The following AHCYL2 variants were observed in gnomAD, a reference collection of about 807,000 sequenced individuals.
AHCYL2 encodes adenosylhomocysteinase like 2.
AHCYL2 carries 28 observed loss-of-function variants against 81.4 expected under a neutral mutation model. The observed-to-expected ratio is 0.34, with a 90% CI of 0.25 to 0.47. The LOEUF (loss-of-function observed/expected upper bound fraction) is 0.47, where lower values mean the gene tolerates loss of function less well. AHCYL2 is among the 20% of genes least tolerant of loss of function. The pLI is 1.00. For synonymous variants in AHCYL2, 272 were observed against 290.2 expected, an observed-to-expected ratio of 0.94 and a Z score of 0.64; for missense variants, 551 against 785.1, an observed-to-expected ratio of 0.70 and a Z score of 3.56.
intron 1 of AHCYL2, among the ~76,000 whole-genome samples, chr7:129,233,487 A>G (rs1563159955): frequency 6.7e-6 from 1 of 149,616 alleles, no homozygotes; most frequent in Non-Finnish European, 1.5e-5. Flanking sequence ...TACTGTCTCT[A>G]TTTCTTTTTC....
intron 2 of AHCYL2, among the ~76,000 whole-genome samples, chr7:129,381,029 G>A (rs1794931190): frequency 1.3e-5 from 2 of 152,146 alleles, no homozygotes; most frequent in South Asian, 2.1e-4. Flanking sequence ...GAGCCACTGC[G>A]CCAGGCCAGG....
intron 1 of AHCYL2, among the ~76,000 whole-genome samples, chr7:129,296,676 C>T (rs1797060687): frequency 6.6e-6 from 1 of 152,152 alleles, no homozygotes; most frequent in South Asian, 2.1e-4. Context: ...TGTCACTGTA[C>T]TCTATCCTGG....
intron 1 of AHCYL2, among the ~76,000 whole-genome samples, chr7:129,302,883 TA>T (rs1158991917): frequency 6.6e-6 from 1 of 152,232 alleles, no homozygotes; most frequent in Non-Finnish European, 1.5e-5. Flanking sequence ...AGTTTGGAAG[TA>T]TTCCTTCCAC....
intron 4 of AHCYL2, 36 bp downstream of exon 4, chr7:129,389,770 G>A: frequency 6.5e-7 from 1 of 1,548,044 alleles, no homozygotes; most frequent in Non-Finnish European, 8.8e-7. Context: ...AATTACAATA[G>A]TTAATAATAG....
chr7:129,426,085 G>A lies in AHCYL2; in HGVS notation c.1709-358G>A, dbSNP rs1233739360. Among the ~76,000 whole-genome samples, 2 of 152,176 alleles carry A rather than the reference G, an allele frequency of 1.3e-5. No homozygotes were observed. Among genetic ancestry groups the A allele is most frequent in the Non-Finnish European group, 2.9e-5 (2 of 68,030 alleles). The stretch of plus-strand genomic sequence containing the variant: ...AGTTGTTTTAAATGACCCAAAGTAT[G>A]GAGTCCAAGGCAAAACTCAAGTTGG... On this transcript the variant is annotated intron_variant, in intron 15 of 16. Coordinates refer to ENST00000325006, the MANE Select transcript of AHCYL2 (RefSeq NM_015328.4). This position sits in a 1 kb window ranked among gnomAD's most constrained non-coding sequence, Gnocchi z 4.3.
At chr7:129,342,967 TTTCTC>T (rs1793238116) in intron 1 of AHCYL2, among the ~76,000 whole-genome samples, 2 of 152,206 alleles carry the variant, frequency 1.3e-5, no homozygotes, top group Non-Finnish European at 2.9e-5. Flanking sequence ...TGTGAAATCT[TTTCTC>T]TTTTCCTTTG....
intron 1 of AHCYL2, among the ~76,000 whole-genome samples, chr7:129,342,690 C>A (rs1434194044): frequency 1.3e-5 from 2 of 152,106 alleles, no homozygotes; most frequent in African/African-American, 4.8e-5. Context: ...TAGACTGTTT[C>A]AAAGTGGTAG....
intron 1 of AHCYL2, among the ~76,000 whole-genome samples, chr7:129,251,572 C>A (rs1353699958): frequency 6.6e-6 from 1 of 152,028 alleles, no homozygotes; most frequent in Non-Finnish European, 1.5e-5. Context: ...AAATTTGAAA[C>A]ACATCTCGCC....
intron 1 of AHCYL2, among the ~76,000 whole-genome samples, chr7:129,353,112 A>C (rs1793625131): frequency 6.6e-6 from 1 of 151,700 alleles, no homozygotes. Flanking sequence ...CACCTGGCTA[A>C]TTTTTGTATA....
intron 1 of AHCYL2, among the ~76,000 whole-genome samples, chr7:129,324,235 T>C (rs1327514481): frequency 1.3e-5 from 2 of 152,160 alleles, no homozygotes; most frequent in Non-Finnish European, 2.9e-5. Context: ...ATTCTTTTTC[T>C]TTCAGAATGA....
intron 1 of AHCYL2, among the ~76,000 whole-genome samples, chr7:129,365,628 GTATATA>G (rs10526470): frequency 8.0e-6 from 1 of 124,320 alleles, no homozygotes; most frequent in African/African-American, 3.3e-5. Flanking sequence ...GGAGGATAGA[GTATATA>G]TATATATATA....
chr7:129,309,446 G>A (rs1255963747), intron 1 of AHCYL2, among the ~76,000 whole-genome samples: 1 of 149,102 alleles, frequency 6.7e-6, no homozygotes, highest in Non-Finnish European at 1.5e-5. Flanking sequence ...AGGTTAAGGT[G>A]AGAGGATCAC....
Position 129,403,481 on chromosome 7 carries a change from C to A in AHCYL2, c.1021C>A (p.His341Asn). 1 of 1,599,876 alleles carries A rather than the reference C, an allele frequency of 6.3e-7. No individual in the cohort carries two copies. Among genetic ancestry groups the A allele is most frequent in the South Asian group, 1.1e-5 (1 of 89,318 alleles). Residue 341 changes from histidine to asparagine, a missense_variant, in exon 7 of 17, where the codon CAC becomes AAC. Coordinates refer to ENST00000325006, the MANE Select transcript of AHCYL2 (RefSeq NM_015328.4). ...AGTAGAGGAGAGTGTTACTGGAGTT[C>A]ACAGGTAAGATTTGACATGGGCATA... ...GIVEESVTGV[H>N]RLYQLSKAGK...
At chr7:129,329,269 T>C (rs1798334627) in intron 1 of AHCYL2, among the ~76,000 whole-genome samples, 1 of 152,186 alleles carries the variant, frequency 6.6e-6, no homozygotes, top group Admixed American at 6.6e-5. Flanking sequence ...AGCCTCCACC[T>C]CCTGGGCTCA....
At chr7:129,326,184 A>G (rs1798217783) in intron 1 of AHCYL2, among the ~76,000 whole-genome samples, 1 of 152,132 alleles carries the variant, frequency 6.6e-6, no homozygotes, top group Non-Finnish European at 1.5e-5. Flanking sequence ...TAAGACTTTT[A>G]ATATGTGTTG....
At chr7:129,411,405 A>C (rs1395358289) in intron 11 of AHCYL2, among the ~76,000 whole-genome samples, 1 of 152,210 alleles carries the variant, frequency 6.6e-6, no homozygotes, top group Non-Finnish European at 1.5e-5. Context: ...CATTTCATAT[A>C]AATGGAATCA....
intron 1 of AHCYL2, among the ~76,000 whole-genome samples, chr7:129,236,968 G>A (rs1315630689): frequency 6.6e-6 from 1 of 151,288 alleles, no homozygotes; most frequent in Non-Finnish European, 1.5e-5. Flanking sequence ...CTCTGCCTTC[G>A]TATTGGATTT....
In AHCYL2 at chr7:129,297,992, G is replaced by A. The variant is rs563194324; in HGVS notation, c.363+72553G>A. 2.0e-5 allele frequency among the ~76,000 whole-genome samples: 3 copies of A among 152,314 alleles called. No individual in the cohort carries two copies. The East Asian group carries it at 5.8e-4, about 29-fold the overall frequency. On this transcript the variant is annotated intron_variant, in intron 1 of 16. Coordinates refer to ENST00000325006, the MANE Select transcript of AHCYL2 (RefSeq NM_015328.4). ...TGCAGTGAGCCATGATCCTGCCCCT[G>A]CATTCCAGCTTGGGTGACAGCGAGA...
At chr7:129,239,430 A>G (rs970799694) in intron 1 of AHCYL2, among the ~76,000 whole-genome samples, 15 of 141,954 alleles carry the variant, frequency 1.1e-4, no homozygotes, top group East Asian at 8.0e-4. Context: ...ATTTTTATTA[A>G]TTTTTTTTTT....
Sources: allele counts gnomAD v4.1 joint callset (sites outside exome capture counted in the v4.1 genomes callset), GRCh38; gene constraint gnomAD v4.1.1; non-coding constraint Gnocchi (gnomAD v3.1); transcripts MANE v1.5; gene names NCBI Gene and HGNC (gene_info 2026-07-23, HGNC 2026-07-21).